Variants in RTL9 observed in about 807,000 individuals in gnomAD.
RTL9 encodes the protein retrotransposon Gag like 9, also known as retrotransposon Gag-like protein 9.
A neutral mutation model predicts 44.7 loss-of-function variants in RTL9; 19 were observed. The ratio of observed to expected loss-of-function variants is 0.42; its 90% confidence interval spans 0.30 to 0.62. RTL9 has a LOEUF of 0.62. Among genes scored for constraint, RTL9 ranks in the 20% least tolerant of loss-of-function variants. The probability of loss-of-function intolerance (pLI) is 0.16; values close to 1 mark genes in which losing one functional copy is unlikely to be tolerated. For synonymous variants in RTL9, 407 were observed against 398.9 expected, an observed-to-expected ratio of 1.02 and a Z score of -0.24; for missense variants, 1,105 against 1,080.6, an observed-to-expected ratio of 1.02 and a Z score of -0.32.
chrX:110,421,129 CT>C (rs1035772754), intron 1 of RTL9, among the ~76,000 whole-genome samples: 7 of 112,399 alleles, frequency 6.2e-5, no homozygotes, highest in Non-Finnish European at 1.1e-4. Context: ...GCCCCTCTGA[CT>C]TTTTTGCACA....
chrX:110,426,341 T>C (rs774891598), intron 1 of RTL9, among the ~76,000 whole-genome samples: 1 of 111,961 alleles, frequency 8.9e-6, no homozygotes, highest in African/African-American at 3.2e-5. Flanking sequence ...ATCTGTACCC[T>C]AATGGACAAT....
intron 1 of RTL9, among the ~76,000 whole-genome samples, chrX:110,389,499 T>A (rs912693634): frequency 1.6e-4 from 18 of 112,265 alleles, no homozygotes; most frequent in Non-Finnish European, 2.8e-4. Context: ...AAATTTATCA[T>A]CCCTTTGCAA....
At chrX:110,421,671 C>G (rs16985992) in intron 1 of RTL9, among the ~76,000 whole-genome samples, 3,237 of 112,804 alleles carry the variant, frequency 0.029, 75 homozygotes, top group African/African-American at 0.083. Context: ...GCCAATTTGT[C>G]TATTTCAACT....
chrX:110,375,078 A>G (rs1374647652), intron 1 of RTL9, among the ~76,000 whole-genome samples: 1 of 111,749 alleles, frequency 8.9e-6, no homozygotes, highest in East Asian at 2.8e-4. Context: ...TATAGCAAGT[A>G]GGCAAGCTTA....
intron 1 of RTL9, among the ~76,000 whole-genome samples, chrX:110,444,182 G>C (rs1333426150): frequency 8.9e-6 from 1 of 112,777 alleles, no homozygotes; most frequent in African/African-American, 3.2e-5. Flanking sequence ...TGGTCCAAGG[G>C]GTGGCACAGG....
chrX:110,387,479 A>C (rs12014072), intron 1 of RTL9, among the ~76,000 whole-genome samples: 17,050 of 111,971 alleles, frequency 0.15, 2,285 homozygotes, highest in African/African-American at 0.44. Flanking sequence ...GCCAATGGCA[A>C]CCCTGCTTGC....
chrX:110,368,956 T>C (rs143733083), intron 1 of RTL9, among the ~76,000 whole-genome samples: 1,409 of 111,672 alleles, frequency 0.013, 15 homozygotes, highest in Middle Eastern at 0.037. Flanking sequence ...TGGTAGTGAG[T>C]TTAGTCTTTA....
At chrX:110,435,794 TTATATA>T (rs1256069046) in intron 1 of RTL9, among the ~76,000 whole-genome samples, 1 of 112,473 alleles carries the variant, frequency 8.9e-6, no homozygotes, top group Non-Finnish European at 1.9e-5. Context: ...TAAACCCTGT[TTATATA>T]TATGTGTAAT....
chrX:110,454,692 T>C, intron 1 of RTL9, 28 bp downstream of exon 3: 1 of 1,127,327 alleles, frequency 8.9e-7, no homozygotes. Context: ...CGCTGAAGGT[T>C]TTTGAGCAGA....
chrX:110,440,395 G>A (rs1457014403), intron 1 of RTL9, among the ~76,000 whole-genome samples: 1 of 112,209 alleles, frequency 8.9e-6, no homozygotes, highest in Non-Finnish European at 1.9e-5. Context: ...AAGAATTGCT[G>A]AATTTAAAGA....
intron 1 of RTL9, among the ~76,000 whole-genome samples, chrX:110,393,247 C>T (rs912975302): frequency 1.8e-5 from 2 of 108,934 alleles, no homozygotes; most frequent in African/African-American, 6.7e-5. Flanking sequence ...CCTCATTTTC[C>T]TCATCTACAC....
intron 1 of RTL9, among the ~76,000 whole-genome samples, chrX:110,360,339 A>G (rs1235388742): frequency 1.8e-5 from 2 of 111,954 alleles, no homozygotes; most frequent in Non-Finnish European, 3.8e-5. Flanking sequence ...GACCTACAGA[A>G]TAGGTAGGCA....
chrX:110,393,365 T>C (rs2068507719), intron 1 of RTL9, among the ~76,000 whole-genome samples: 1 of 112,292 alleles, frequency 8.9e-6, no homozygotes, highest in Non-Finnish European at 1.9e-5. Flanking sequence ...GAGCAATTAC[T>C]ATGTACCAGG....
chrX:110,435,919 T>C (rs937081436), intron 1 of RTL9, among the ~76,000 whole-genome samples: 2 of 112,521 alleles, frequency 1.8e-5, no homozygotes, highest in Non-Finnish European at 3.8e-5. Context: ...GAGGTATTAT[T>C]ACTGTCTCCA....
intron 1 of RTL9, among the ~76,000 whole-genome samples, chrX:110,361,313 T>C (rs1207374868): frequency 2.7e-5 from 3 of 111,930 alleles, no homozygotes; most frequent in Non-Finnish European, 5.6e-5. Context: ...ATCTGACCAC[T>C]TTTTCATTGC....
intron 1 of RTL9, among the ~76,000 whole-genome samples, chrX:110,407,205 A>G (rs1356987417): frequency 8.9e-6 from 1 of 112,463 alleles, no homozygotes; most frequent in Non-Finnish European, 1.9e-5. Flanking sequence ...TCAATGCTAC[A>G]TAAAAGATTT....
intron 1 of RTL9, among the ~76,000 whole-genome samples, chrX:110,406,065 G>A (rs1346501347): frequency 9.1e-6 from 1 of 110,128 alleles, no homozygotes; most frequent in Admixed American, 9.7e-5. Context: ...CTCCACCCCC[G>A]ACTCCCCAAA....
rs113947141 is a variant in RTL9 at position 110,409,646 on chromosome X, G to GTT, written c.-167-35496_-167-35495dup. 8.0e-4 allele frequency among the ~76,000 whole-genome samples: 81 copies of GTT among 101,233 alleles called. 1 individual carries two copies. The highest frequency in any genetic ancestry group is 2.7e-3 in the African/African-American group (76 of 27,864). The allele number at this position is 101,233 out of a possible 115,157, so 87.9% of individuals were successfully genotyped here. A position where few individuals can be genotyped will look rare whatever the true frequency, so the allele number is the denominator to read the frequency against. The stretch of plus-strand genomic sequence containing the variant: ...CCATTTTTCTGTTGTTGCTGCTGCT[G>GTT]TTTTTTTTTTTTCACTCCCCTGATC... On this transcript the variant is annotated intron_variant, in intron 1 of 2. Coordinates refer to the RTL9 transcript ENST00000520821.
chrX:110,442,249 G>T (rs5942632), intron 1 of RTL9, among the ~76,000 whole-genome samples: 1 of 74,629 alleles, frequency 1.3e-5, no homozygotes, highest in Non-Finnish European at 2.5e-5. Context: ...CTCTCTCTCT[G>T]TGTGTGTGTG....
Sources: allele counts gnomAD v4.1 joint callset (sites outside exome capture counted in the v4.1 genomes callset), GRCh38; gene constraint gnomAD v4.1.1; transcripts MANE v1.5; gene names NCBI Gene and HGNC (gene_info 2026-07-23, HGNC 2026-07-21).